The following PCDHA4 variants were observed in gnomAD, a reference collection of about 807,000 sequenced individuals.
The protein encoded by PCDHA4 is protocadherin alpha 4, also known as protocadherin alpha-4.
Under a neutral mutation model 61.4 loss-of-function variants are expected in PCDHA4, and 49 were observed. The ratio of observed to expected loss-of-function variants is 0.80; its 90% confidence interval spans 0.63 to 1.01. The LOEUF (loss-of-function observed/expected upper bound fraction) is 1.01. PCDHA4 is among the 50% of genes least tolerant of loss of function. The probability of loss-of-function intolerance (pLI) is 0.00; values close to 1 mark genes in which losing one functional copy is unlikely to be tolerated. For synonymous variants in PCDHA4, 590 were observed against 550.3 expected, an observed-to-expected ratio of 1.07 and a Z score of -1.01; for missense variants, 1,254 against 1,235.8, an observed-to-expected ratio of 1.01 and a Z score of -0.22.
At chr5:140,923,664 T>C (rs898223251) in intron 1 of PCDHA4, among the ~76,000 whole-genome samples, 1 of 152,234 alleles carries the variant, frequency 6.6e-6, no homozygotes, top group Non-Finnish European at 1.5e-5. Context: ...CTTTGGGATA[T>C]CGTTCTCTCT....
At chr5:140,838,002 T>TA (rs1491059163) in intron 1 of PCDHA4, among the ~76,000 whole-genome samples, 1 of 151,590 alleles carries the variant, frequency 6.6e-6, no homozygotes, top group African/African-American at 2.4e-5. Context: ...TCCTTTTTTT[T>TA]AAAAAAAGAA....
intron 1 of PCDHA4, among the ~76,000 whole-genome samples, chr5:140,973,232 G>GA (rs2096577680): frequency 6.6e-6 from 1 of 152,196 alleles, no homozygotes; most frequent in African/African-American, 2.4e-5. Flanking sequence ...ATAGTGACCT[G>GA]AAAGAGTTAA....
At chr5:140,869,256 C>T in intron 1 of PCDHA4, 2 of 1,613,586 alleles carry the variant, frequency 1.2e-6, no homozygotes, top group Non-Finnish European at 1.7e-6. Flanking sequence ...TCGCGCAGGA[C>T]CTGGGGCTGG....
intron 1 of PCDHA4, chr5:140,969,442 T>C (rs1554231813): frequency 1.3e-6 from 2 of 1,543,712 alleles, no homozygotes; most frequent in Admixed American, 4.0e-5. Flanking sequence ...AGTTATCTGG[T>C]AAACTGAGTA....
At chr5:141,004,258 A>C (rs1164603441) in intron 3 of PCDHA4, among the ~76,000 whole-genome samples, 1 of 152,232 alleles carries the variant, frequency 6.6e-6, no homozygotes, top group Non-Finnish European at 1.5e-5. Flanking sequence ...TTTTACTGGA[A>C]TGAGTCACAG....
rs560557725 is a variant in PCDHA4, at chr5:141,005,418, G to T, written c.2534-4209G>T. Among the ~76,000 whole-genome samples, 149 of 152,250 alleles carry T rather than the reference G, an allele frequency of 9.8e-4. 1 individual carries two copies. The highest frequency in any genetic ancestry group is 3.5e-3 in the African/African-American group (145 of 41,544). On this transcript the variant is annotated intron_variant, in intron 3 of 3. Transcript: ENST00000530339. ...ACAGACTTGAAGAGTGAGGAGTCAT[G>T]CTAAGAATGGATGAGAGGCTCACGC...
chr5:140,908,329 A>T (rs539575503), intron 1 of PCDHA4, among the ~76,000 whole-genome samples: 140 of 152,214 alleles, frequency 9.2e-4, no homozygotes, highest in African/African-American at 2.7e-3. Flanking sequence ...AGACCATGGG[A>T]ATTTGAGCCA....
intron 1 of PCDHA4, chr5:140,855,836 AC>A (rs1444767908): frequency 1.7e-6 from 1 of 600,200 alleles, no homozygotes; most frequent in Non-Finnish European, 2.9e-6. Flanking sequence ...AATCGTACTT[AC>A]ACCTAAAGCC....
At chr5:140,909,025 T>C (rs1226589511) in intron 1 of PCDHA4, among the ~76,000 whole-genome samples, 1 of 152,156 alleles carries the variant, frequency 6.6e-6, no homozygotes, top group African/African-American at 2.4e-5. Context: ...TGAATTTTAG[T>C]CATTTATTTT....
intron 1 of PCDHA4, chr5:140,843,131 A>C: frequency 6.3e-7 from 1 of 1,596,044 alleles, no homozygotes; most frequent in South Asian, 1.1e-5. Flanking sequence ...CTCGGGCTAC[A>C]ACGCGTGGCT....
rs782331571 is a variant in PCDHA4, at chr5:140,807,285, A to G, written c.98A>G (p.Tyr33Cys). Residue 33 changes from tyrosine (Y) to cysteine (C), a missense_variant, in exon 1 of 4, where the codon TAC becomes TGC. Physicochemically the swap from Tyr to Cys is radical, Grantham distance 194. Transcript: ENST00000530339. ...AWEAGNGQLHYSVSEEAKHGT... is the reference protein window; with the variant it reads ...AWEAGNGQLHCSVSEEAKHGT... ...GAGGCAGGGAACGGTCAGCTCCACT[A>G]CTCGGTCTCCGAGGAGGCCAAACAC... The G allele has an allele frequency of 5.0e-6, 8 of 1,614,116 alleles. No individual in the cohort carries two copies. The highest frequency in any genetic ancestry group is 5.1e-6 in the Non-Finnish European group (6 of 1,180,028).
intron 1 of PCDHA4, chr5:140,884,066 G>T (rs2059975136): frequency 6.2e-7 from 1 of 1,613,514 alleles, no homozygotes; most frequent in Non-Finnish European, 8.5e-7. Context: ...GGTGGACGCC[G>T]ATTCGGGCTA....
intron 1 of PCDHA4, among the ~76,000 whole-genome samples, chr5:140,893,236 T>C (rs1554185562): frequency 6.6e-6 from 1 of 152,236 alleles, no homozygotes. Flanking sequence ...TTTGACATAC[T>C]GGTTTCCTTT....
chr5:140,864,004 A>G (rs1042382501), intron 1 of PCDHA4: 4 of 153,124 alleles, frequency 2.6e-5, no homozygotes, highest in Non-Finnish European at 4.4e-5. Context: ...CTGTCTTAAA[A>G]AAAAAAGTAC....
chr5:140,844,571 T>G (rs1416812482), intron 1 of PCDHA4, among the ~76,000 whole-genome samples: 1 of 149,562 alleles, frequency 6.7e-6, no homozygotes, highest in Non-Finnish European at 1.5e-5. Context: ...TTCAATAATA[T>G]TCCACATTAA....
intron 1 of PCDHA4, chr5:140,829,180 T>C: frequency 1.2e-6 from 2 of 1,614,192 alleles, no homozygotes; most frequent in Non-Finnish European, 1.7e-6. Flanking sequence ...GTGAAGACGC[T>C]CAATTTGGTA....
intron 1 of PCDHA4, chr5:140,876,771 T>C: frequency 6.2e-7 from 1 of 1,614,228 alleles, no homozygotes; most frequent in African/African-American, 1.3e-5. Flanking sequence ...GGGGCTCGCC[T>C]TCGCTGTGGG....
rs371515299 is a variant in PCDHA4, at chr5:140,870,550, G to T, written c.2385+60978G>T. 1.5e-5 allele frequency: 24 copies of T among 1,613,948 alleles called. No individual in the cohort carries two copies. The highest frequency in any genetic ancestry group is 1.6e-4 in the Middle Eastern group (1 of 6,080). ...CACAGTGTCGGCGCGGGACGCGGAC[G>T]CGCAGGAGAACGCGCTGGTGTCCTA... On this transcript the variant is annotated intron_variant, in intron 1 of 3. Transcript: ENST00000530339.
intron 1 of PCDHA4, among the ~76,000 whole-genome samples, chr5:140,846,903 G>A (rs941589214): frequency 2.7e-5 from 4 of 149,652 alleles, no homozygotes; most frequent in Non-Finnish European, 6.0e-5. Flanking sequence ...GAAGTTGAAA[G>A]ACAATCATTT....
Sources: gnomAD v4.1 joint callset for allele counts (sites outside exome capture counted in the v4.1 genomes callset) on GRCh38, gnomAD v4.1.1 for gene constraint, MANE v1.5 for transcripts, NCBI Gene and HGNC (gene_info 2026-07-23, HGNC 2026-07-21) for gene names.